LRRC1: variants seen among roughly 807,000 people sequenced by gnomAD.
LRRC1 encodes the protein leucine-rich repeat-containing protein 1.
In LRRC1, 28 loss-of-function variants were observed where a neutral mutation model predicts 69.9. The ratio of observed to expected loss-of-function variants is 0.40; its 90% CI spans 0.30 to 0.55. LRRC1 has a LOEUF of 0.55. LRRC1 is among the 20% of genes least tolerant of loss of function. The pLI is 0.47. For synonymous variants in LRRC1, 236 were observed against 240.2 expected (o/e 0.98, Z 0.16); for missense variants, 498 against 609.0 (o/e 0.82, Z 1.92).
At position 53,924,081 on chromosome 6, in the gene LRRC1, T is replaced by C. The variant is rs373448363; in HGVS notation, c.*1288T>C. The stretch of plus-strand genomic sequence containing the variant: ...GTGTGGTGTCTAGGAAAATCATATA[T>C]ATTTTTTTCTCCAAGAAATAAATTC... On this transcript the variant is annotated 3_prime_UTR_variant, in exon 14 of 14. Transcript: ENST00000370888. 1.3e-5 allele frequency: 2 copies of C among 152,696 alleles called. No homozygotes were observed. The highest frequency in any genetic ancestry group is 1.9e-4 in the East Asian group (1 of 5,204). The allele number at this position is 152,696 out of a possible 1,614,324, so 9.5% of individuals were successfully genotyped here. A position where few individuals can be genotyped will look rare whatever the true frequency, so the allele number is the denominator to read the frequency against.
chr6:53,836,451 A>G (rs375681071), intron 1 of LRRC1, among the ~76,000 whole-genome samples: 4 of 152,174 alleles, frequency 2.6e-5, no homozygotes, highest in Admixed American at 1.3e-4. Context: ...GTCCCTCAGT[A>G]GAGGTTAACT....
chr6:53,892,563 AAG>A (rs1767740170), intron 4 of LRRC1, among the ~76,000 whole-genome samples: 1 of 152,176 alleles, frequency 6.6e-6, no homozygotes, highest in African/African-American at 2.4e-5. Context: ...GGGGTGCTGT[AAG>A]AGATGTGAAG....
intron 1 of LRRC1, among the ~76,000 whole-genome samples, chr6:53,824,695 A>G (rs927729123): frequency 2.0e-5 from 3 of 152,198 alleles, no homozygotes; most frequent in African/African-American, 7.2e-5. Context: ...GTGCTAGTTA[A>G]TTATAGGCCA....
intron 2 of LRRC1, among the ~76,000 whole-genome samples, chr6:53,876,278 C>A (rs1003635804): frequency 2.6e-4 from 39 of 152,122 alleles, no homozygotes. Flanking sequence ...CTCAGAAAGA[C>A]CTGCCCCCAT....
At chr6:53,896,657 G>A (rs752878444) in intron 5 of LRRC1, 103 bp downstream of exon 5, 38 of 1,181,504 alleles carry the variant, frequency 3.2e-5, no homozygotes, top group Non-Finnish European at 4.6e-5. Flanking sequence ...TGTGTTTTGG[G>A]AAGTTTGGGG....
chr6:53,869,624 G>A (rs1766817249), intron 2 of LRRC1, among the ~76,000 whole-genome samples: 1 of 152,164 alleles, frequency 6.6e-6, no homozygotes, highest in Admixed American at 6.5e-5. Flanking sequence ...AGGACCTATG[G>A]ACTGCGTACA....
intron 7 of LRRC1, among the ~76,000 whole-genome samples, chr6:53,899,415 A>G (rs141196714): frequency 5.8e-4 from 88 of 152,318 alleles, no homozygotes; most frequent in Middle Eastern, 3.4e-3. Flanking sequence ...TTGAAAAGCT[A>G]AATTCTAGCC....
At chr6:53,811,681 T>C (rs1764797866) in intron 1 of LRRC1, among the ~76,000 whole-genome samples, 1 of 152,200 alleles carries the variant, frequency 6.6e-6, no homozygotes, top group Non-Finnish European at 1.5e-5. Context: ...ACATCAGCCT[T>C]ATGTGTGAGG....
chr6:53,871,810 G>C (rs1001798737), intron 2 of LRRC1, among the ~76,000 whole-genome samples: 1 of 152,142 alleles, frequency 6.6e-6, no homozygotes, highest in Non-Finnish European at 1.5e-5. Context: ...CGGGATTACA[G>C]GCAAGTGCCA....
At chr6:53,898,445 G>T (rs190077662) in intron 7 of LRRC1, among the ~76,000 whole-genome samples, 3 of 152,248 alleles carry the variant, frequency 2.0e-5, no homozygotes, top group Admixed American at 1.3e-4. Context: ...GACATAAAGG[G>T]GAAAGGAAAG....
chr6:53,913,780 A>T, intron 10 of LRRC1, 74 bp from the exon 11 acceptor site: 1 of 901,400 alleles, frequency 1.1e-6, no homozygotes, highest in South Asian at 1.6e-5. Context: ...ACTGTTTGGT[A>T]AACAAGGTAC....
intron 10 of LRRC1, among the ~76,000 whole-genome samples, chr6:53,910,345 A>T (rs1768369742): frequency 6.6e-6 from 1 of 152,224 alleles, no homozygotes; most frequent in Non-Finnish European, 1.5e-5. Context: ...GATACATTTT[A>T]TCCTGATTAC....
chr6:53,897,166 A>G, intron 6 of LRRC1, 119 bp from the exon 7 acceptor site: 1 of 685,036 alleles, frequency 1.5e-6, no homozygotes, highest in Non-Finnish European at 2.5e-6. Context: ...TAAGAGAAGT[A>G]CCAGTGAACA....
intron 10 of LRRC1, among the ~76,000 whole-genome samples, chr6:53,906,809 TC>T (rs1298400691): frequency 6.6e-6 from 1 of 152,260 alleles, no homozygotes; most frequent in African/African-American, 2.4e-5. Flanking sequence ...AAAGAAATAG[TC>T]TGCGCCTTTC....
At chr6:53,800,904 T>A (rs1422024250) in intron 1 of LRRC1, among the ~76,000 whole-genome samples, 1 of 152,158 alleles carries the variant, frequency 6.6e-6, no homozygotes, top group African/African-American at 2.4e-5. Flanking sequence ...CCTCCCAAAG[T>A]GCTGGGATTA....
intron 1 of LRRC1, among the ~76,000 whole-genome samples, chr6:53,836,462 G>A (rs1364928590): frequency 6.6e-6 from 1 of 152,106 alleles, no homozygotes; most frequent in Non-Finnish European, 1.5e-5. Context: ...GAGGTTAACT[G>A]CTGTATTATT....
In LRRC1 at chr6:53,860,997, C is replaced by CAA. The variant is rs199741415; in HGVS notation, c.278-17995_278-17994insAA. 2.8e-3 allele frequency among the ~76,000 whole-genome samples: 407 copies of CAA among 145,010 alleles called. 4 individuals carry two copies. The East Asian group carries it at 0.048, about 17-fold the overall frequency. On this transcript the variant is annotated intron_variant, in intron 2 of 13. Coordinates refer to ENST00000370888, the MANE Select transcript of LRRC1 (RefSeq NM_018214.5). Reference sequence around the variant, plus strand: ...GCTAAACACTGAGAACACATGGACACAGAAGGGAACGACAGACACTGGGGC... The same window carrying CAA: ...GCTAAACACTGAGAACACATGGACACAAAGAAGGGAACGACAGACACTGGGGC...
chr6:53,891,506 G>A (rs746719754), intron 4 of LRRC1, among the ~76,000 whole-genome samples: 106 of 149,170 alleles, frequency 7.1e-4, no homozygotes, highest in Admixed American at 1.1e-3. Flanking sequence ...TGTATAGAAC[G>A]CTACCTTTCT....
chr6:53,922,897 C>T lies in LRRC1; in HGVS notation c.*104C>T, dbSNP rs1291379424. 1.8e-5 allele frequency: 20 copies of T among 1,123,212 alleles called. No homozygotes were observed. The highest frequency in any genetic ancestry group is 6.1e-5 in the South Asian group (4 of 65,122). 69.6% of individuals were successfully genotyped at this position (1,123,212 alleles called of 1,614,324 possible). A position where few individuals can be genotyped will look rare whatever the true frequency, so the allele number is the denominator to read the frequency against. ...TGCTCCTTGTCCTAACCAGCCCCCGCGCGCCATCTTCCCGTGGAGTGTGGG... is the reference window on the plus strand; with the variant it reads ...TGCTCCTTGTCCTAACCAGCCCCCGTGCGCCATCTTCCCGTGGAGTGTGGG... On this transcript the variant is annotated 3_prime_UTR_variant, in exon 14 of 14. Coordinates refer to ENST00000370888, the MANE Select transcript of LRRC1 (RefSeq NM_018214.5).
Sources: allele counts gnomAD v4.1 joint callset (sites outside exome capture counted in the v4.1 genomes callset), GRCh38; gene constraint gnomAD v4.1.1; transcripts MANE v1.5; gene names NCBI Gene and HGNC (gene_info 2026-07-23, HGNC 2026-07-21).